Variants in ITCH observed in about 807,000 individuals in gnomAD.
The protein encoded by ITCH is itchy E3 ubiquitin protein ligase, also known as E3 ubiquitin-protein ligase Itchy homolog.
Under a neutral mutation model 126.8 loss-of-function variants are expected in ITCH, and 28 were observed. The observed-to-expected ratio is 0.22, with a 90% CI of 0.16 to 0.30. The LOEUF is 0.30. Ranked by LOEUF, ITCH falls within the 10% of genes least tolerant of loss-of-function variation. The pLI, the probability that ITCH is intolerant of heterozygous loss-of-function variation, is 1.00. For missense variants in ITCH, 631 were observed against 1,032.4 expected (o/e 0.61, Z 5.33); for synonymous variants, 342 against 340.0 (o/e 1.01, Z -0.06).
intron 12 of ITCH, among the ~76,000 whole-genome samples, chr20:34,455,806 G>A (rs1985845520): frequency 6.6e-6 from 1 of 151,706 alleles, no homozygotes; most frequent in South Asian, 2.1e-4. Flanking sequence ...ACCTTAATGG[G>A]GAGATTTCAG....
At chr20:34,393,940 A>G in intron 3 of ITCH, 59 bp downstream of exon 3, 1 of 1,492,420 alleles carries the variant, frequency 6.7e-7, no homozygotes, top group Non-Finnish European at 9.4e-7. Flanking sequence ...TTAAAAAATA[A>G]TCCTGAGAGG....
intron 24 of ITCH, among the ~76,000 whole-genome samples, chr20:34,505,305 A>G (rs1055608686): frequency 2.0e-5 from 3 of 152,028 alleles, no homozygotes; most frequent in South Asian, 2.1e-4. Flanking sequence ...CGGCCTCCCA[A>G]AGTGTTGGGA....
intron 13 of ITCH, among the ~76,000 whole-genome samples, 171 bp from the exon 14 acceptor site, chr20:34,461,922 T>C (rs1986556115): frequency 6.6e-6 from 1 of 152,186 alleles, no homozygotes; most frequent in African/African-American, 2.4e-5. Flanking sequence ...ACTTTGAGTT[T>C]AACCTGTTTG....
intron 3 of ITCH, among the ~76,000 whole-genome samples, chr20:34,399,389 T>C (rs1463444008): frequency 2.0e-5 from 3 of 151,846 alleles, no homozygotes; most frequent in Non-Finnish European, 4.4e-5. Flanking sequence ...TGAAACTGTC[T>C]CAAAAAAATA....
intron 5 of ITCH, 98 bp from the exon 6 acceptor site, chr20:34,413,644 T>C: frequency 9.0e-7 from 1 of 1,110,734 alleles, no homozygotes; most frequent in Non-Finnish European, 1.3e-6. Flanking sequence ...AGTTATATTT[T>C]CTCGGACATC....
At chr20:34,486,181 A>G (rs1208502398) in intron 20 of ITCH, among the ~76,000 whole-genome samples, 2 of 151,546 alleles carry the variant, frequency 1.3e-5, no homozygotes, top group African/African-American at 4.9e-5. Context: ...TGCCTGGCTT[A>G]CTTATTTATT....
chr20:34,476,475 C>T, intron 16 of ITCH: 3 of 1,213,646 alleles, frequency 2.5e-6, no homozygotes, highest in Non-Finnish European at 1.0e-6. Flanking sequence ...CGGCAGCCAT[C>T]GCCCGCGGTC....
intron 24 of ITCH, among the ~76,000 whole-genome samples, chr20:34,505,870 T>C (rs567310005): frequency 9.2e-5 from 14 of 152,314 alleles, no homozygotes; most frequent in African/African-American, 2.9e-4. Flanking sequence ...TACAACCTTT[T>C]GTGTGTAGCT....
chr20:34,448,753 G>C (rs565049485), intron 11 of ITCH, among the ~76,000 whole-genome samples: 2 of 152,158 alleles, frequency 1.3e-5, no homozygotes, highest in Non-Finnish European at 2.9e-5. Flanking sequence ...TCTCTACACA[G>C]AGTCGGTGTG....
At chr20:34,365,313 T>C (rs1370909360) in intron 1 of ITCH, among the ~76,000 whole-genome samples, 2 of 152,152 alleles carry the variant, frequency 1.3e-5, no homozygotes, top group African/African-American at 2.4e-5. Context: ...AGCATACAGG[T>C]CAAGTCACCA....
intron 16 of ITCH, chr20:34,476,202 G>T: frequency 1.2e-6 from 1 of 800,404 alleles, no homozygotes; most frequent in Admixed American, 1.7e-5. Context: ...CAACCACAAC[G>T]TCTAGCAGAG....
chr20:34,422,951 C>T (rs529074904), intron 6 of ITCH, among the ~76,000 whole-genome samples: 1 of 152,240 alleles, frequency 6.6e-6, no homozygotes, highest in South Asian at 2.1e-4. Flanking sequence ...CCCGCCACCA[C>T]ACTCAGCTAA....
intron 2 of ITCH, among the ~76,000 whole-genome samples, chr20:34,388,879 T>A (rs1381050400): frequency 1.3e-5 from 2 of 152,170 alleles, no homozygotes; most frequent in Admixed American, 1.3e-4. Flanking sequence ...GAAAACACAA[T>A]GCATAAAGTT....
At chr20:34,424,356 T>A (rs543179690) in intron 6 of ITCH, 124 bp from the exon 7 acceptor site, 1 of 774,906 alleles carries the variant, frequency 1.3e-6, no homozygotes, top group East Asian at 2.5e-5. Context: ...GAATTTAAGT[T>A]ATAGTATGTT....
chr20:34,454,658 G>C, intron 12 of ITCH: 1 of 152,020 alleles, frequency 6.6e-6, no homozygotes, highest in Non-Finnish European at 1.5e-5. Flanking sequence ...TTTAACCTCT[G>C]TTATCACTAC....
chr20:34,442,684 C>T, intron 10 of ITCH, among the ~76,000 whole-genome samples: 1 of 149,520 alleles, frequency 6.7e-6, no homozygotes, highest in Admixed American at 6.7e-5. Context: ...CTAAAGATTC[C>T]TTAGGTGGGC....
chr20:34,416,694 A>G (rs1979901359), intron 6 of ITCH, among the ~76,000 whole-genome samples: 1 of 152,178 alleles, frequency 6.6e-6, no homozygotes, highest in Non-Finnish European at 1.5e-5. Context: ...TTTCCAAGTG[A>G]AACAAAGTGT....
At chr20:34,436,992 G>A (rs906325955) in intron 7 of ITCH, among the ~76,000 whole-genome samples, 1 of 152,074 alleles carries the variant, frequency 6.6e-6, no homozygotes, top group African/African-American at 2.4e-5. Flanking sequence ...AGCTGCGCGT[G>A]GTGGCAGGTG....
rs529465658 is a variant in ITCH at position 34,435,138 on chromosome 20, T to C, written c.522-3336T>C. Among the ~76,000 whole-genome samples, 57 of 151,586 alleles carry C rather than the reference T, an allele frequency of 3.8e-4. No homozygotes were observed. In the South Asian group the frequency reaches 0.012, roughly 32 times the overall value. On this transcript the variant is annotated intron_variant, in intron 7 of 24. Transcript: ENST00000374864. ...TTTATAATTCCCTAGCTCCCAGGAG[T>C]CTTGAGCTGTGATTTTTTGGTTTGT...
Sources: gnomAD v4.1 joint callset for allele counts (sites outside exome capture counted in the v4.1 genomes callset) on GRCh38, gnomAD v4.1.1 for gene constraint, MANE v1.5 for transcripts, NCBI Gene and HGNC (gene_info 2026-07-23, HGNC 2026-07-21) for gene names.